The following BOLL variants were observed in gnomAD, a reference collection of about 807,000 sequenced individuals.
BOLL encodes the protein protein boule-like.
In BOLL, 23 loss-of-function variants were observed where a neutral mutation model predicts 44.4. The observed-to-expected ratio is 0.52, with a 90% CI of 0.37 to 0.73. The LOEUF is 0.73. Among genes scored for constraint, BOLL ranks in the 30% least tolerant of loss-of-function variants. The pLI is 0.00. For synonymous variants in BOLL, 97 were observed against 110.8 expected (o/e 0.88, Z 0.78); for missense variants, 287 against 338.3 (o/e 0.85, Z 1.19).
chr2:197,757,284 T>C (rs1330230117), intron 8 of BOLL, 69 bp downstream of exon 8: 2 of 1,369,576 alleles, frequency 1.5e-6, no homozygotes, highest in Non-Finnish European at 2.0e-6. Context: ...AACTTTAGTA[T>C]TCATGCAGTC....
chr2:197,745,887 G>A (rs1687967033), intron 9 of BOLL, among the ~76,000 whole-genome samples: 1 of 152,106 alleles, frequency 6.6e-6, no homozygotes, highest in Non-Finnish European at 1.5e-5. Flanking sequence ...TCAGAGTGAG[G>A]TAGAAGCACA....
intron 3 of BOLL, among the ~76,000 whole-genome samples, chr2:197,778,164 A>G (rs1374616227): frequency 6.6e-6 from 1 of 151,922 alleles, no homozygotes; most frequent in Non-Finnish European, 1.5e-5. Flanking sequence ...GAAGTATCTC[A>G]TCTGTTTATA....
At chr2:197,769,196 C>G (rs942764170) in intron 6 of BOLL, among the ~76,000 whole-genome samples, 2 of 152,048 alleles carry the variant, frequency 1.3e-5, no homozygotes, top group Non-Finnish European at 2.9e-5. Context: ...AGGGAGGATT[C>G]TCTCTTTATC....
chr2:197,743,931 C>T (rs1054903227), intron 9 of BOLL, among the ~76,000 whole-genome samples: 12 of 151,924 alleles, frequency 7.9e-5, no homozygotes, highest in Non-Finnish European at 1.8e-4. Flanking sequence ...CTGCCTCAGC[C>T]TCCCAAGTAG....
intron 9 of BOLL, among the ~76,000 whole-genome samples, chr2:197,747,298 G>A (rs902881217): frequency 9.9e-5 from 15 of 151,890 alleles, no homozygotes; most frequent in African/African-American, 3.6e-4. Flanking sequence ...AAGTAGGTGG[G>A]GCAGGCCAGG....
At chr2:197,778,919 G>T in intron 3 of BOLL, 56 bp downstream of exon 3, 1 of 1,447,134 alleles carries the variant, frequency 6.9e-7, no homozygotes, top group South Asian at 1.2e-5. Flanking sequence ...ACAAAACCTA[G>T]TCATCCAATG....
intron 10 of BOLL, among the ~76,000 whole-genome samples, chr2:197,741,608 T>A (rs1054105722): frequency 1.3e-5 from 2 of 152,116 alleles, no homozygotes; most frequent in Non-Finnish European, 2.9e-5. Context: ...TGGCTAGCCA[T>A]ATGTAGAAAG....
At chr2:197,729,635 C>T (rs1687049262) in intron 10 of BOLL, among the ~76,000 whole-genome samples, 1 of 152,220 alleles carries the variant, frequency 6.6e-6, no homozygotes, top group Non-Finnish European at 1.5e-5. Context: ...CAGACTGCCT[C>T]CTCAAGTGGG....
Position 197,728,556 on chromosome 2 carries a change from T to A in BOLL, c.851A>T (p.Ter284LeuextTer11). 1 of 1,612,820 alleles carries A rather than the reference T, an allele frequency of 6.2e-7. No individual in the cohort carries two copies. The highest frequency in any genetic ancestry group is 8.5e-7 in the Non-Finnish European group (1 of 1,178,850). The stretch of plus-strand genomic sequence containing the variant: ...CTGGAATAGAGCTGCCCAATTGTCT[T>A]AATAATGAATGCTCCACACTGTCTG... ...PIKTVWSIHY[*>L] The change falls in exon 11 of 11, where the codon TAA becomes TTA. Residue 284 changes from the stop codon to leucine (L), a stop_lost. Transcript: ENST00000392296.
At chr2:197,773,312 T>C (rs1473523497) in intron 5 of BOLL, among the ~76,000 whole-genome samples, 1 of 151,802 alleles carries the variant, frequency 6.6e-6, no homozygotes, top group East Asian at 1.9e-4. Flanking sequence ...ACCTGCTAAA[T>C]AAATAAATTT....
At chr2:197,728,619 G>T in intron 10 of BOLL, 41 bp from the exon 11 acceptor site, 2 of 1,406,028 alleles carry the variant, frequency 1.4e-6, no homozygotes, top group South Asian at 1.2e-5. Flanking sequence ...AAGACTGAAT[G>T]GAAAAAAAAA....
intron 7 of BOLL, among the ~76,000 whole-genome samples, chr2:197,764,935 A>C (rs1688923606): frequency 6.6e-6 from 1 of 152,100 alleles, no homozygotes; most frequent in Admixed American, 6.5e-5. Flanking sequence ...TCCACTGAGC[A>C]TCACAATAAA....
chr2:197,743,930 C>T (rs939116211), intron 9 of BOLL, among the ~76,000 whole-genome samples: 1 of 152,074 alleles, frequency 6.6e-6, no homozygotes, highest in African/African-American at 2.4e-5. Flanking sequence ...CCTGCCTCAG[C>T]CTCCCAAGTA....
At chr2:197,740,455 A>G (rs982570468) in intron 10 of BOLL, among the ~76,000 whole-genome samples, 12 of 152,152 alleles carry the variant, frequency 7.9e-5, no homozygotes, top group African/African-American at 2.7e-4. Context: ...TCATAAGGGA[A>G]TAGGAAGAAT....
chr2:197,731,571 T>C (rs1687181531), intron 10 of BOLL, among the ~76,000 whole-genome samples: 1 of 96,974 alleles, frequency 1.0e-5, no homozygotes, highest in African/African-American at 5.5e-5. Context: ...GAAGTAAAGC[T>C]CTCCTCAGCA....
chr2:197,782,807 G>T (rs1240449124), intron 1 of BOLL, among the ~76,000 whole-genome samples: 1 of 152,088 alleles, frequency 6.6e-6, no homozygotes, highest in African/African-American at 2.4e-5. Context: ...AAATGCACTT[G>T]TCAATTTGAA....
chr2:197,736,219 C>T (rs1009441825), intron 10 of BOLL, among the ~76,000 whole-genome samples: 1 of 151,984 alleles, frequency 6.6e-6, no homozygotes, highest in Non-Finnish European at 1.5e-5. Flanking sequence ...CAAATTCATA[C>T]CCTTTATCTA....
chr2:197,732,426 T>A (rs1687235251), intron 10 of BOLL, among the ~76,000 whole-genome samples: 1 of 152,038 alleles, frequency 6.6e-6, no homozygotes, highest in East Asian at 1.9e-4. Flanking sequence ...TTCCAATCAA[T>A]AGAAAAAGAG....
At chr2:197,779,153 GT>G (rs1401476339) in intron 2 of BOLL, 87 bp from the exon 3 acceptor site, 7 of 995,260 alleles carry the variant, frequency 7.0e-6, no homozygotes, top group African/African-American at 3.3e-5. Flanking sequence ...GACAGAAAAA[GT>G]TATAGATAAG....
Sources: gnomAD v4.1 joint callset for allele counts (sites outside exome capture counted in the v4.1 genomes callset) on GRCh38, gnomAD v4.1.1 for gene constraint, MANE v1.5 for transcripts, NCBI Gene and HGNC (gene_info 2026-07-23, HGNC 2026-07-21) for gene names.